The following ZNF469 variants were observed in gnomAD, a reference collection of about 807,000 sequenced individuals.
ZNF469 encodes zinc finger protein 469.
In ZNF469, 1 loss-of-function variant was observed where a neutral mutation model predicts 1.0. The ratio of observed to expected loss-of-function variants is 1.00; its 90% CI spans 0.35 to 4.73. The LOEUF (loss-of-function observed/expected upper bound fraction) is 4.73. ZNF469 is among the 30% of genes most tolerant of loss of function. The probability of loss-of-function intolerance (pLI) is 0.16; values close to 1 mark genes in which losing one functional copy is unlikely to be tolerated. For missense variants in ZNF469, 6,100 were observed against 5,356.3 expected (o/e 1.14, Z -4.33); for synonymous variants, 2,703 against 2,363.4 (o/e 1.14, Z -4.17).
In ZNF469 at chr16:88,383,810, G is replaced by A. The variant is rs567049265; in HGVS notation, c.-192+556G>A. Among the ~76,000 whole-genome samples, 427 of 152,238 alleles carry A rather than the reference G, an allele frequency of 2.8e-3. 1 individual carries two copies. The highest frequency in any genetic ancestry group is 4.9e-3 in the Non-Finnish European group (335 of 67,980). On this transcript the variant is annotated intron_variant, in intron 1 of 2. Transcript: ENST00000565624. ...CCCGGACGGGGGTGGGAGCTTTGGA[G>A]CCCACCCTGGGGGAGACCACGCCGC...
At chr16:88,352,859 T>C in the ZNF469 span, among the ~76,000 whole-genome samples, 1 of 152,322 alleles carries the variant, frequency 6.6e-6, no homozygotes, top group East Asian at 1.9e-4. Context: ...GCCTGACCCC[T>C]GGGCACTGCC....
intron 2 of ZNF469, among the ~76,000 whole-genome samples, chr16:88,425,357 G>A (rs1369402770): frequency 6.6e-6 from 1 of 152,226 alleles, no homozygotes; most frequent in African/African-American, 2.4e-5. Flanking sequence ...TGGGCTTCAT[G>A]TGGGGCCTGG....
intron 1 of ZNF469, among the ~76,000 whole-genome samples, chr16:88,390,646 C>T (rs1162203873): frequency 6.6e-6 from 1 of 152,186 alleles, no homozygotes; most frequent in African/African-American, 2.4e-5. Flanking sequence ...ATTCGGATGC[C>T]GCCGGGCACT....
At chr16:88,117,613 G>GTGCCACGTGCCTTCGGGGACCATGGAGA in the ZNF469 span, among the ~76,000 whole-genome samples, 2 of 152,146 alleles carry the variant, frequency 1.3e-5, no homozygotes, top group Admixed American at 6.5e-5. Flanking sequence ...GACCGTGGAG[G>GTGCCACGTGCCTTCGGGGACCATGGAGA]TGCCACGTGT....
the ZNF469 span, among the ~76,000 whole-genome samples, chr16:88,156,395 A>T: frequency 2.0e-5 from 3 of 152,112 alleles, no homozygotes; most frequent in Non-Finnish European, 4.4e-5. Flanking sequence ...ATCTACTGTG[A>T]GTCCCTTTCT....
rs749325593 is a variant in ZNF469, at chr16:88,438,827, C to G, written c.11357C>G (p.Ala3786Gly). The change falls in exon 3 of 3, where the codon GCC becomes GGC. Residue 3786 changes from alanine to glycine, a missense_variant. Coordinates refer to ENST00000565624, the MANE Select transcript of ZNF469 (RefSeq NM_001367624.2). ...GAGAGGCTCCCCGCTCGAGCCCAAG[C>G]CAAGAGCTGCACCAAGGGGCCAAGG... Reference protein sequence around the residue: ...APERLPARAQAKSCTKGPREA... With the variant: ...APERLPARAQGKSCTKGPREA... The G allele has an allele frequency of 1.5e-5, 23 of 1,550,230 alleles. No homozygotes were observed. The highest frequency in any genetic ancestry group is 1.8e-5 in the Non-Finnish European group (21 of 1,146,974).
At chr16:88,271,418 A>G in the ZNF469 span, among the ~76,000 whole-genome samples, 3 of 134,966 alleles carry the variant, frequency 2.2e-5, no homozygotes, top group Non-Finnish European at 5.1e-5. Context: ...GCCCAGACAG[A>G]GGCATGAAGT....
At chr16:88,279,941 C>T in the ZNF469 span, among the ~76,000 whole-genome samples, 9 of 149,902 alleles carry the variant, frequency 6.0e-5, 1 homozygote, top group African/African-American at 1.7e-4. Flanking sequence ...TATCAGTGCA[C>T]GGTTAGTGCT....
At chr16:88,222,019 T>A in the ZNF469 span, among the ~76,000 whole-genome samples, 4 of 152,112 alleles carry the variant, frequency 2.6e-5, no homozygotes, top group African/African-American at 9.7e-5. Context: ...CGTGGGCTTA[T>A]TTTTTGGGGC....
the ZNF469 span, among the ~76,000 whole-genome samples, chr16:88,219,880 C>G: frequency 2.6e-5 from 4 of 152,144 alleles, no homozygotes; most frequent in African/African-American, 4.8e-5. Flanking sequence ...GGGTACAGCT[C>G]AAGGTTCTCA....
the ZNF469 span, among the ~76,000 whole-genome samples, chr16:88,107,804 C>T: frequency 3.3e-5 from 5 of 152,358 alleles, no homozygotes; most frequent in South Asian, 8.3e-4. Context: ...AGGAAGGACC[C>T]TCAGGAGAGC....
the ZNF469 span, among the ~76,000 whole-genome samples, chr16:88,376,042 C>T: frequency 1.8e-4 from 28 of 152,302 alleles, no homozygotes; most frequent in South Asian, 5.6e-3. Context: ...AAAGAAAACC[C>T]GCGTACACTG....
At chr16:88,285,748 A>G in the ZNF469 span, among the ~76,000 whole-genome samples, 1 of 152,230 alleles carries the variant, frequency 6.6e-6, no homozygotes, top group African/African-American at 2.4e-5. Flanking sequence ...AGTGGTGGGC[A>G]GTGAGGGGGT....
At chr16:88,304,261 C>T in the ZNF469 span, among the ~76,000 whole-genome samples, 6 of 152,192 alleles carry the variant, frequency 3.9e-5, no homozygotes, top group African/African-American at 1.4e-4. Context: ...GCGCTGCAGC[C>T]CGGCCGCCCC....
At chr16:88,270,158 A>G in the ZNF469 span, among the ~76,000 whole-genome samples, 2 of 152,070 alleles carry the variant, frequency 1.3e-5, no homozygotes, top group Non-Finnish European at 2.9e-5. Flanking sequence ...TCTGGCATGC[A>G]TCCTCCTGGA....
chr16:88,397,300 CTG>C (rs1401901094), intron 1 of ZNF469, among the ~76,000 whole-genome samples: 1 of 152,240 alleles, frequency 6.6e-6, no homozygotes, highest in Non-Finnish European at 1.5e-5. Flanking sequence ...GCTTGTGAGA[CTG>C]GGCCATGCAC....
chr16:88,138,624 A>T, the ZNF469 span, among the ~76,000 whole-genome samples: 1 of 152,240 alleles, frequency 6.6e-6, no homozygotes, highest in Admixed American at 6.5e-5. Flanking sequence ...CTGCAAAGGA[A>T]CATAACAAGC....
chr16:88,208,145 A>G, the ZNF469 span, among the ~76,000 whole-genome samples: 2 of 151,756 alleles, frequency 1.3e-5, no homozygotes, highest in East Asian at 1.9e-4. Context: ...TGCCATCATC[A>G]TGTGTTTGAT....
chr16:88,199,528 A>G, the ZNF469 span, among the ~76,000 whole-genome samples: 2 of 152,172 alleles, frequency 1.3e-5, no homozygotes, highest in African/African-American at 2.4e-5. Context: ...CCATTGTTTG[A>G]TGAAGGTGCC....
Sources: gnomAD v4.1 joint callset for allele counts (sites outside exome capture counted in the v4.1 genomes callset) on GRCh38, gnomAD v4.1.1 for gene constraint, MANE v1.5 for transcripts, NCBI Gene and HGNC (gene_info 2026-07-23, HGNC 2026-07-21) for gene names.